The following DYNLT2 variants were observed in gnomAD, a reference collection of about 807,000 sequenced individuals.
The protein encoded by DYNLT2 is dynein light chain Tctex-type 2.
Under a neutral mutation model 24.3 loss-of-function variants are expected in DYNLT2, and 24 were observed. That is an observed-to-expected ratio of 0.99 (90% confidence interval 0.71 to 1.39). The LOEUF is 1.39. Among genes scored for constraint, DYNLT2 ranks in the 40% most tolerant of loss-of-function variants. DYNLT2 has a pLI of 0.00. For missense variants in DYNLT2, 246 were observed against 234.5 expected, an observed-to-expected ratio of 1.05 and a Z score of -0.32; for synonymous variants, 85 against 85.4, an observed-to-expected ratio of 1.00 and a Z score of 0.03.
the DYNLT2 span, among the ~76,000 whole-genome samples, chr6:169,731,961 A>G: frequency 2.6e-5 from 4 of 152,254 alleles, no homozygotes; most frequent in East Asian, 5.8e-4. Context: ...CATTTTACAA[A>G]CAAGTCTATC....
the DYNLT2 span, among the ~76,000 whole-genome samples, chr6:169,729,594 A>C: frequency 6.6e-6 from 1 of 152,180 alleles, no homozygotes; most frequent in Non-Finnish European, 1.5e-5. Flanking sequence ...TCTGCTATGG[A>C]CTGAATGTTT....
chr6:169,748,895 T>G (rs1430385902), intron 1 of DYNLT2, among the ~76,000 whole-genome samples: 2 of 152,260 alleles, frequency 1.3e-5, no homozygotes, highest in Non-Finnish European at 2.9e-5. Flanking sequence ...AAGAGTATTT[T>G]ATTCCTTTTA....
At chr6:169,736,527 A>G (rs1404123017), downstream of DYNLT2, among the ~76,000 whole-genome samples, 2 of 152,194 alleles carry the variant, frequency 1.3e-5, no homozygotes, top group African/African-American at 4.8e-5. Context: ...AAAATCCCTC[A>G]GCATTTGCTT....
chr6:169,735,676 A>G (rs1285732553), downstream of DYNLT2, among the ~76,000 whole-genome samples: 1 of 152,136 alleles, frequency 6.6e-6, no homozygotes, highest in Admixed American at 6.5e-5. Flanking sequence ...GTTCTTTTGC[A>G]TTTGCTGAGG....
Position 169,751,552 on chromosome 6 carries a change from G to A in DYNLT2, c.-94C>T, listed in dbSNP as rs1585327561. 3.7e-6 allele frequency: 6 copies of A among 1,610,604 alleles called. No homozygotes were observed. Among genetic ancestry groups the A allele is most frequent in the Middle Eastern group, 1.7e-4 (1 of 6,034 alleles). On this transcript the variant is annotated 5_prime_UTR_variant, in exon 1 of 4. Coordinates refer to ENST00000366774, the MANE Select transcript of DYNLT2 (RefSeq NM_174910.3). ...CCGCGAGGGCGGAAGTCTCCCACCTGCGCCTCGTACGGTAGGAAGTGCCCG... is the reference window on the plus strand; with the variant it reads ...CCGCGAGGGCGGAAGTCTCCCACCTACGCCTCGTACGGTAGGAAGTGCCCG...
At position 169,744,236 on chromosome 6, in the gene DYNLT2, A is replaced by C. The variant is rs755894370; in HGVS notation, c.159T>G (p.Ile53Met). Reference protein sequence around the residue: ...QILRERLRESIHNVQYVEPPF... With the variant: ...QILRERLRESMHNVQYVEPPF... ...GAGGCTCCACATACTGAACATTGTGAATTGACTCTCTCAGTCTTTCTCTTA... is the reference window on the plus strand; with the variant it reads ...GAGGCTCCACATACTGAACATTGTGCATTGACTCTCTCAGTCTTTCTCTTA... The change falls in exon 2 of 4, where the codon ATT becomes ATG. Residue 53 changes from isoleucine to methionine, a missense_variant. Transcript: ENST00000366774. 1.2e-6 allele frequency: 2 copies of C among 1,613,648 alleles called. No homozygotes were observed. Among genetic ancestry groups the C allele is most frequent in the Non-Finnish European group, 8.5e-7 (1 of 1,179,960 alleles).
chr6:169,738,563 G>A (rs1243753983), downstream of DYNLT2: 1 of 152,166 alleles, frequency 6.6e-6, no homozygotes, highest in East Asian at 1.9e-4. Context: ...GCTCTCAGGT[G>A]GGCTGCCACA....
chr6:169,742,551 C>G (rs1286533736), intron 3 of DYNLT2, among the ~76,000 whole-genome samples: 1 of 152,148 alleles, frequency 6.6e-6, no homozygotes, highest in Non-Finnish European at 1.5e-5. Flanking sequence ...GATCAAGGAA[C>G]AGAATAGCAG....
the DYNLT2 span, among the ~76,000 whole-genome samples, chr6:169,732,361 C>G: frequency 6.6e-6 from 1 of 152,032 alleles, no homozygotes; most frequent in Non-Finnish European, 1.5e-5. Context: ...TGCAGAATGT[C>G]CAGATTTGTT....
Position 169,740,314 on chromosome 6 carries a change from A to G in DYNLT2, c.487-19T>C. On this transcript the variant is annotated intron_variant, in intron 3 of 3. Transcript: ENST00000366774. Reference sequence around the variant, plus strand: ...TGGCAATCTGTGAGAGAAATTTTGTAAAGACCAACTTTAGATTGAACATAT... The same window carrying G: ...TGGCAATCTGTGAGAGAAATTTTGTGAAGACCAACTTTAGATTGAACATAT... 2 of 1,496,132 alleles carry G rather than the reference A, an allele frequency of 1.3e-6. No individual in the cohort carries two copies. Among genetic ancestry groups the G allele is most frequent in the Admixed American group, 3.4e-5 (2 of 59,536 alleles). 92.7% of individuals were successfully genotyped at this position (1,496,132 alleles called of 1,614,324 possible). A position where few individuals can be genotyped will look rare whatever the true frequency, so the allele number is the denominator to read the frequency against.
chr6:169,732,601 A>G, the DYNLT2 span, among the ~76,000 whole-genome samples: 1 of 152,220 alleles, frequency 6.6e-6, no homozygotes, highest in Admixed American at 6.5e-5. Flanking sequence ...ATGTCCCTGC[A>G]AAGGACATGA....
chr6:169,745,097 G>GTT (rs752444343), intron 1 of DYNLT2, among the ~76,000 whole-genome samples: 2 of 150,582 alleles, frequency 1.3e-5, no homozygotes, highest in Non-Finnish European at 1.5e-5. Flanking sequence ...AGTTTTTTTT[G>GTT]TTTGTTTTTT....
intron 3 of DYNLT2, among the ~76,000 whole-genome samples, chr6:169,742,619 C>CT (rs201954786): frequency 7.5e-4 from 113 of 151,320 alleles, no homozygotes; most frequent in East Asian, 2.1e-3. Context: ...ACTTTTCTTT[C>CT]TTTTTTTTTG....
At chr6:169,748,804 T>C (rs991203864) in intron 1 of DYNLT2, among the ~76,000 whole-genome samples, 3 of 152,234 alleles carry the variant, frequency 2.0e-5, no homozygotes, top group African/African-American at 7.2e-5. Context: ...AAATAACCAT[T>C]AATGCTTCTA....
intron 1 of DYNLT2, among the ~76,000 whole-genome samples, chr6:169,748,463 C>CA (rs1789861200): frequency 6.6e-6 from 1 of 152,172 alleles, no homozygotes; most frequent in South Asian, 2.1e-4. Flanking sequence ...TTGTTCCATA[C>CA]ATTTTTGTGT....
At chr6:169,726,061 G>A in the DYNLT2 span, among the ~76,000 whole-genome samples, 2 of 152,148 alleles carry the variant, frequency 1.3e-5, no homozygotes, top group East Asian at 3.8e-4. Context: ...ACATTGCAAT[G>A]CCCACTTTCA....
intron 3 of DYNLT2, among the ~76,000 whole-genome samples, chr6:169,741,106 C>T (rs907355234): frequency 2.0e-5 from 3 of 152,084 alleles, no homozygotes; most frequent in Non-Finnish European, 2.9e-5. Flanking sequence ...CACGTCTGGC[C>T]GAAAAAGGCC....
the DYNLT2 span, chr6:169,725,499 C>T: frequency 5.0e-6 from 2 of 396,078 alleles, no homozygotes; most frequent in Non-Finnish European, 8.9e-6. Context: ...TCAGCCTCAG[C>T]CAGACCATCC....
chr6:169,744,720 A>G (rs1343388761), intron 1 of DYNLT2, among the ~76,000 whole-genome samples: 1 of 152,220 alleles, frequency 6.6e-6, no homozygotes, highest in African/African-American at 2.4e-5. Flanking sequence ...ATTTTTAAAT[A>G]ATACAATTAT....
Sources: gnomAD v4.1 joint callset for allele counts (sites outside exome capture counted in the v4.1 genomes callset) on GRCh38, gnomAD v4.1.1 for gene constraint, MANE v1.5 for transcripts, NCBI Gene and HGNC (gene_info 2026-07-23, HGNC 2026-07-21) for gene names.